Variants in GPATCH2L observed in about 807,000 individuals in gnomAD.
GPATCH2L encodes the protein G patch domain-containing protein 2-like.
Under a neutral mutation model 57.4 loss-of-function variants are expected in GPATCH2L, and 31 were observed. That is an observed-to-expected ratio of 0.54 (90% CI 0.41 to 0.73). The LOEUF is 0.73. Ranked by LOEUF, GPATCH2L falls within the 30% of genes least tolerant of loss-of-function variation. GPATCH2L has a pLI of 0.00. For synonymous variants in GPATCH2L, 199 were observed against 210.7 expected (o/e 0.94, Z 0.48); for missense variants, 481 against 599.9 (o/e 0.80, Z 2.07).
chr14:76,214,472 T>C (rs1381465910), downstream of GPATCH2L: 5 of 152,204 alleles, frequency 3.3e-5, no homozygotes, highest in Non-Finnish European at 5.9e-5. Context: ...AACAGAAATT[T>C]ATTTCTTATG....
chr14:76,194,483 AAG>A (rs1491333035), intron 8 of GPATCH2L, among the ~76,000 whole-genome samples: 3 of 43,686 alleles, frequency 6.9e-5, no homozygotes, highest in Non-Finnish European at 1.4e-4. Flanking sequence ...AGAGACATGA[AAG>A]TGTGTGTGTG....
Position 76,166,653 on chromosome 14 carries a change from CT to C in GPATCH2L, c.663-5del. The C allele has an allele frequency of 6.3e-7, 1 of 1,594,934 alleles. No homozygotes were observed. Among genetic ancestry groups the C allele is most frequent in the Non-Finnish European group, 8.6e-7 (1 of 1,162,578 alleles). On this transcript the variant is annotated splice_polypyrimidine_tract_variant and intron_variant, in intron 2 of 9. Transcript: ENST00000261530. ...CTGATGAGTTCTCTTGTGTTTTACTCTTTTTACAGTGAAACCAGCAGTGTGT... is the reference window on the plus strand; with the variant it reads ...CTGATGAGTTCTCTTGTGTTTTACTCTTTTACAGTGAAACCAGCAGTGTGT...
intron 1 of GPATCH2L, among the ~76,000 whole-genome samples, chr14:76,227,429 A>G (rs572219119): frequency 4.6e-4 from 70 of 152,136 alleles, no homozygotes; most frequent in Non-Finnish European, 7.4e-4. Flanking sequence ...TCCAGGGGGG[A>G]GGGACTCAGG....
In GPATCH2L at chr14:76,204,148, G is replaced by T. The variant is rs979756181; in HGVS notation, c.*2297G>T. ...TAACTAAGCCAGGACTAGAATCCCA[G>T]ACTTTCAGATTTTCTCTGCCCTGGG... is the stretch of plus-strand genomic sequence containing the variant. On this transcript the variant is annotated 3_prime_UTR_variant, in exon 10 of 10. Transcript: ENST00000261530. 1 of 152,176 alleles carries T rather than the reference G, an allele frequency of 6.6e-6. No homozygotes were observed. Among genetic ancestry groups the T allele is most frequent in the African/African-American group, 2.4e-5 (1 of 41,444 alleles). The allele number at this position is 152,176 out of a possible 1,614,324, so 9.4% of individuals were successfully genotyped here. A position where few individuals can be genotyped will look rare whatever the true frequency, so the allele number is the denominator to read the frequency against.
intron 5 of GPATCH2L, 108 bp from the exon 6 acceptor site, chr14:76,176,515 G>T: frequency 1.3e-6 from 1 of 742,912 alleles, no homozygotes; most frequent in Non-Finnish European, 2.4e-6. Flanking sequence ...TTTAACATGT[G>T]CCTTTTGAGG....
intron 6 of GPATCH2L, chr14:76,177,780 C>T: frequency 1.5e-6 from 1 of 645,778 alleles, no homozygotes; most frequent in South Asian, 1.8e-5. Context: ...TTCTCTATTC[C>T]CTTCTTTGTC....
At chr14:76,215,330 A>AGTTCAACC (rs1198169510), downstream of GPATCH2L, among the ~76,000 whole-genome samples, 5 of 152,122 alleles carry the variant, frequency 3.3e-5, no homozygotes. Flanking sequence ...ACTGTAAACT[A>AGTTCAACC]GTTCAACCAT....
At chr14:76,221,271 C>T (rs1440823989) in intron 1 of GPATCH2L, among the ~76,000 whole-genome samples, 1 of 151,998 alleles carries the variant, frequency 6.6e-6, no homozygotes, top group African/African-American at 2.4e-5. Context: ...AAAAGATGCT[C>T]ATCAGAATAA....
intron 1 of GPATCH2L, among the ~76,000 whole-genome samples, chr14:76,221,006 G>A (rs1232692039): frequency 2.0e-5 from 3 of 150,172 alleles, no homozygotes; most frequent in African/African-American, 7.4e-5. Flanking sequence ...TCTCTGAAAA[G>A]ACTAATAATA....
intron 8 of GPATCH2L, 128 bp from the exon 9 acceptor site, chr14:76,195,750 A>C (rs2040126993): frequency 1.4e-6 from 1 of 707,060 alleles, no homozygotes; most frequent in Non-Finnish European, 2.5e-6. Flanking sequence ...CCCAATGCTT[A>C]ATGGCAAAAG....
intron 8 of GPATCH2L, among the ~76,000 whole-genome samples, chr14:76,191,747 A>G (rs986073600): frequency 3.3e-5 from 5 of 152,146 alleles, no homozygotes; most frequent in Admixed American, 6.6e-5. Context: ...GGTCATTAGC[A>G]TATCCATCTG....
chr14:76,176,475 T>G, intron 5 of GPATCH2L, 148 bp from the exon 6 acceptor site: 1 of 625,084 alleles, frequency 1.6e-6, no homozygotes, highest in Non-Finnish European at 2.9e-6. Context: ...TAAAAAGAAG[T>G]ATAGTTGCTG....
At chr14:76,168,398 T>C (rs931552633) in intron 3 of GPATCH2L, among the ~76,000 whole-genome samples, 1 of 152,208 alleles carries the variant, frequency 6.6e-6, no homozygotes, top group African/African-American at 2.4e-5. Context: ...TAATGCTGCT[T>C]AACAGCCCCC....
Position 76,154,386 on chromosome 14 carries a change from T to C in GPATCH2L, c.23T>C (p.Leu8Ser). Residue 8 changes from leucine to serine, a missense_variant, in exon 2 of 10, where the codon TTA becomes TCA. By Grantham distance (145) the Leu-to-Ser change is moderately radical. Transcript: ENST00000261530. This position sits in a 1 kb window ranked among gnomAD's most constrained non-coding sequence, Gnocchi z 4.4. ...CTCATGGATGAGCTGGTACACGACTTAGCCTCAGCCTTGGAGCAGACATCT... is the reference window on the plus strand; with the variant it reads ...CTCATGGATGAGCTGGTACACGACTCAGCCTCAGCCTTGGAGCAGACATCT... MDELVHDLASALEQTSEQ... is the reference protein window; with the variant it reads MDELVHDSASALEQTSEQ... 1 of 1,603,130 alleles carries C rather than the reference T, an allele frequency of 6.2e-7. No individual in the cohort carries two copies. The highest frequency in any genetic ancestry group is 8.5e-7 in the Non-Finnish European group (1 of 1,170,702).
At chr14:76,227,287 C>T (rs536203561) in intron 1 of GPATCH2L, among the ~76,000 whole-genome samples, 2 of 152,190 alleles carry the variant, frequency 1.3e-5, no homozygotes, top group Non-Finnish European at 2.9e-5. Flanking sequence ...ACTCACCCTC[C>T]TACACGATAT....
intron 2 of GPATCH2L, among the ~76,000 whole-genome samples, chr14:76,232,017 T>TGCAGCCTCACTGCAGG (rs1236478007): frequency 2.0e-4 from 1 of 4,944 alleles, no homozygotes. Flanking sequence ...GCTCAAGCAA[T>TGCAGCCTCACTGCAGG]CTTCCTGCTT....
At chr14:76,160,130 C>A (rs796223961) in intron 2 of GPATCH2L, among the ~76,000 whole-genome samples, 1 of 151,914 alleles carries the variant, frequency 6.6e-6, no homozygotes. Flanking sequence ...GGCGACAGAG[C>A]GAGACTCTGT....
rs796211275 is a variant in GPATCH2L, at chr14:76,177,204, CCTGT to C, written c.1052+517_1052+520del. On this transcript the variant is annotated intron_variant, in intron 6 of 9. Transcript: ENST00000261530. ...GGGACTACAGGCGCATGCTGCTGCGCCTGTCTAATTTTTGTATTTTTTGTAGAGA... is the reference window on the plus strand; with the variant it reads ...GGGACTACAGGCGCATGCTGCTGCGCCTAATTTTTGTATTTTTTGTAGAGA... Among the ~76,000 whole-genome samples, 34 of 152,170 alleles carry C rather than the reference CCTGT, an allele frequency of 2.2e-4. 1 individual carries two copies. Among genetic ancestry groups the C allele is most frequent in the African/African-American group, 7.5e-4 (31 of 41,518 alleles).
chr14:76,154,917 G>A lies in GPATCH2L; in HGVS notation c.554G>A (p.Cys185Tyr), dbSNP rs2038232956. ...TGGACCTCATCAGGCCACGGATTGTGTGAATCAGCAGAAAATAGGACTTTC... is the reference window on the plus strand; with the variant it reads ...TGGACCTCATCAGGCCACGGATTGTATGAATCAGCAGAAAATAGGACTTTC... The part of the protein sequence containing the change: ...TPWTSSGHGL[C>Y]ESAENRTFLS... The change falls in exon 2 of 10, where the codon TGT becomes TAT. Residue 185 changes from cysteine to tyrosine, a missense_variant. By Grantham distance (194) the Cys-to-Tyr change is radical. Around this residue, in one of 3 missense-constraint regions of GPATCH2L, gnomAD observed 208 missense variants for 272.4 expected, o/e 0.76. Coordinates refer to ENST00000261530, the MANE Select transcript of GPATCH2L (RefSeq NM_017926.4). This position sits in a 1 kb window ranked among gnomAD's most constrained non-coding sequence, Gnocchi z 4.4. 6.2e-7 allele frequency: 1 copy of A among 1,614,076 alleles called. No individual in the cohort carries two copies.
Sources: gnomAD v4.1 joint callset for allele counts (sites outside exome capture counted in the v4.1 genomes callset) on GRCh38, gnomAD v4.1.1 for gene constraint, gnomAD v4.1.1 regional missense constraint, Gnocchi (gnomAD v3.1) non-coding constraint, MANE v1.5 for transcripts, NCBI Gene and HGNC (gene_info 2026-07-23, HGNC 2026-07-21) for gene names.